GLI3: variants seen among roughly 807,000 people sequenced by gnomAD.
GLI3 encodes transcription activator GLI3.
Under a neutral mutation model 100.8 loss-of-function variants are expected in GLI3, and 20 were observed. That is an observed-to-expected ratio of 0.20 (90% CI 0.14 to 0.29). GLI3 has a LOEUF of 0.29. GLI3 is among the 10% of genes least tolerant of loss of function. The probability of loss-of-function intolerance (pLI) is 1.00; values close to 1 mark genes in which losing one functional copy is unlikely to be tolerated. For synonymous variants in GLI3, 938 were observed against 860.5 expected (o/e 1.09, Z -1.58); for missense variants, 2,040 against 2,128.5 (o/e 0.96, Z 0.82).
At chr7:42,145,557 T>C (rs1435932122) in intron 3 of GLI3, 3 of 397,986 alleles carry the variant, frequency 7.5e-6, no homozygotes, top group African/African-American at 6.2e-5. Flanking sequence ...TGCTCAATTC[T>C]TAATCTGTGT....
intron 3 of GLI3, among the ~76,000 whole-genome samples, chr7:42,090,408 C>A (rs1183662455): frequency 1.3e-5 from 2 of 152,224 alleles, no homozygotes; most frequent in African/African-American, 4.8e-5. Context: ...GGACCACTGT[C>A]TTACATGTGG....
Position 42,013,290 on chromosome 7 carries a change from T to C in GLI3, c.1497+10178A>G, listed in dbSNP as rs549633002. On this transcript the variant is annotated intron_variant, in intron 10 of 14. Coordinates refer to ENST00000395925, the MANE Select transcript of GLI3 (RefSeq NM_000168.6). ...TCTCTGTATTCGTCCAAAACAATCC[T>C]GCCCTGATTGGAAGAAAAGTGGCCA... 1.3e-4 allele frequency among the ~76,000 whole-genome samples: 20 copies of C among 152,318 alleles called. No homozygotes were observed. In the East Asian group the frequency reaches 3.9e-3, roughly 29 times the overall value.
intron 2 of GLI3, among the ~76,000 whole-genome samples, chr7:42,164,929 T>C (rs1298983293): frequency 6.6e-6 from 1 of 150,702 alleles, no homozygotes; most frequent in Non-Finnish European, 1.5e-5. Flanking sequence ...AGTCTTAACA[T>C]TGCAAGGGAA....
intron 1 of GLI3, among the ~76,000 whole-genome samples, chr7:42,256,076 T>TA (rs758691595): frequency 4.3e-4 from 65 of 152,204 alleles, no homozygotes; most frequent in Admixed American, 7.9e-4. Flanking sequence ...AGCATCTTTT[T>TA]ATGTGTTCAT....
chr7:42,177,996 T>C (rs1167527752), intron 2 of GLI3, among the ~76,000 whole-genome samples: 2 of 152,202 alleles, frequency 1.3e-5, no homozygotes, highest in East Asian at 3.9e-4. Context: ...TTCGCCTTCA[T>C]GGATCTCAGT....
chr7:42,183,301 C>T (rs931835942), intron 2 of GLI3, among the ~76,000 whole-genome samples: 1 of 152,160 alleles, frequency 6.6e-6, no homozygotes, highest in Admixed American at 6.5e-5. Context: ...ATTGGTGATG[C>T]CAACCTCCAT....
At position 41,972,269 on chromosome 7, in the gene GLI3, T is replaced by TA. The variant is rs1787382906; in HGVS notation, c.2103+67_2103+68insT. 3.4e-6 allele frequency: 5 copies of TA among 1,456,046 alleles called. No homozygotes were observed. The East Asian group carries it at 1.1e-4, about 33-fold the overall frequency. 90.2% of individuals were successfully genotyped at this position (1,456,046 alleles called of 1,614,324 possible). ...AGTGAGGACCGGGAAGTCCTGTCCC[T>TA]CTATGCACCCTACCTGGCTCTTTTA... On this transcript the variant is annotated intron_variant, in intron 13 of 14. Coordinates refer to ENST00000395925, the MANE Select transcript of GLI3 (RefSeq NM_000168.6). The surrounding 1 kb of genome is among the most constrained non-coding windows in gnomAD (Gnocchi z 4.4).
rs186161856 is a variant in GLI3 at position 42,089,343 on chromosome 7, T to A, written c.368-12486A>T. Among the ~76,000 whole-genome samples the A allele has an allele frequency of 3.9e-3, 588 of 152,344 alleles. 18 individuals carry two copies. The highest frequency in any genetic ancestry group is 0.036 in the Admixed American group (552 of 15,306). On this transcript the variant is annotated intron_variant, in intron 3 of 14. Coordinates refer to ENST00000395925, the MANE Select transcript of GLI3 (RefSeq NM_000168.6). ...CATGCTTCTTTGCTGTTTCCAACTGTTACTAATGACTTGAAGCATGATAAT... is the reference window on the plus strand; with the variant it reads ...CATGCTTCTTTGCTGTTTCCAACTGATACTAATGACTTGAAGCATGATAAT...
rs111614037 is a variant in GLI3, at chr7:41,995,022, A to C, written c.1498-16274T>G. 2.4e-3 allele frequency among the ~76,000 whole-genome samples: 362 copies of C among 152,352 alleles called. 1 individual carries two copies. The highest frequency in any genetic ancestry group is 8.2e-3 in the African/African-American group (340 of 41,590). On this transcript the variant is annotated intron_variant, in intron 10 of 14. Coordinates refer to ENST00000395925, the MANE Select transcript of GLI3 (RefSeq NM_000168.6). ...AAATAATGAATGCGCTTGCAAAATA[A>C]ACCAGACTGAAACTAACTGAAACTC...
intron 2 of GLI3, among the ~76,000 whole-genome samples, chr7:42,219,913 G>A (rs1788451166): frequency 6.6e-6 from 1 of 150,966 alleles, no homozygotes; most frequent in Non-Finnish European, 1.5e-5. Flanking sequence ...GAGTGCAGTG[G>A]CACGATCTTG....
At chr7:42,012,370 G>T (rs1468543048) in intron 10 of GLI3, among the ~76,000 whole-genome samples, 2 of 151,970 alleles carry the variant, frequency 1.3e-5, no homozygotes, top group East Asian at 3.9e-4. Context: ...AATCCACCTT[G>T]CTCCTCTCCC....
chr7:42,092,243 A>T (rs1785237110), intron 3 of GLI3, among the ~76,000 whole-genome samples: 1 of 152,250 alleles, frequency 6.6e-6, no homozygotes, highest in Non-Finnish European at 1.5e-5. Context: ...TCATCTGAGA[A>T]AACACCAAAG....
At chr7:42,092,325 T>C (rs765440472) in intron 3 of GLI3, among the ~76,000 whole-genome samples, 1 of 152,164 alleles carries the variant, frequency 6.6e-6, no homozygotes, top group Non-Finnish European at 1.5e-5. Flanking sequence ...AATTATTAAT[T>C]TAAGCAACAG....
At chr7:42,094,834 C>T (rs1046389208) in intron 3 of GLI3, among the ~76,000 whole-genome samples, 4 of 152,148 alleles carry the variant, frequency 2.6e-5, no homozygotes, top group Admixed American at 2.0e-4. Context: ...CCTAATAAGC[C>T]AGTTGCTCCA....
At chr7:42,235,667 G>A (rs1369566416) in intron 1 of GLI3, among the ~76,000 whole-genome samples, 1 of 152,120 alleles carries the variant, frequency 6.6e-6, no homozygotes, top group East Asian at 1.9e-4. Context: ...AGGGGAGCAG[G>A]AGGTATTTTT....
chr7:42,112,638 A>T (rs543504423), intron 3 of GLI3, among the ~76,000 whole-genome samples: 1 of 152,174 alleles, frequency 6.6e-6, no homozygotes, highest in Non-Finnish European at 1.5e-5. Flanking sequence ...AAAATTTTTT[A>T]AATTAAATAT....
chr7:42,041,390 G>C (rs2128739310), intron 6 of GLI3, among the ~76,000 whole-genome samples: 1 of 152,288 alleles, frequency 6.6e-6, no homozygotes, highest in Admixed American at 6.5e-5. Context: ...TGAGCTTCAA[G>C]ACACAGAGAT....
chr7:41,965,948 C>T lies in GLI3; in HGVS notation c.3125G>A (p.Arg1042His). ...PPAMATSAEK[R>H]SLVLQNYTRP... Reference sequence around the variant, plus strand: ...CGTGTAATTCTGAAGCACGAGACTGCGCTTCTCCGCGGACGTGGCCATCGC... The same window carrying T: ...CGTGTAATTCTGAAGCACGAGACTGTGCTTCTCCGCGGACGTGGCCATCGC... The change falls in exon 15 of 15, where the codon CGC becomes CAC. Residue 1042 changes from arginine (R) to histidine (H), a missense_variant. Physicochemically the swap from Arg to His is conservative, Grantham distance 29. This residue lies in a region of GLI3 where 1,041 missense variants were observed against 924.0 expected (regional missense o/e 1.13). Transcript: ENST00000395925. 1 of 1,611,702 alleles carries T rather than the reference C, an allele frequency of 6.2e-7. No individual in the cohort carries two copies. The highest frequency in any genetic ancestry group is 8.5e-7 in the Non-Finnish European group (1 of 1,179,740).
intron 10 of GLI3, among the ~76,000 whole-genome samples, chr7:42,005,556 C>T (rs1470928735): frequency 3.3e-5 from 5 of 151,114 alleles, no homozygotes; most frequent in Non-Finnish European, 7.4e-5. Flanking sequence ...TGAGTGAACA[C>T]GGTGCTGCCT....
Sources: allele counts gnomAD v4.1 joint callset (sites outside exome capture counted in the v4.1 genomes callset), GRCh38; gene constraint gnomAD v4.1.1; regional missense constraint gnomAD v4.1.1; non-coding constraint Gnocchi (gnomAD v3.1); transcripts MANE v1.5; gene names NCBI Gene and HGNC (gene_info 2026-07-23, HGNC 2026-07-21).